Variants in CDH19 observed in about 807,000 individuals in gnomAD.
The protein encoded by CDH19 is cadherin-19.
Under a neutral mutation model 64.2 loss-of-function variants are expected in CDH19, and 67 were observed. The observed-to-expected ratio is 1.04, with a 90% confidence interval of 0.86 to 1.28. The LOEUF (loss-of-function observed/expected upper bound fraction) is 1.28, where lower values mean the gene tolerates loss of function less well. Among genes scored for constraint, CDH19 ranks in the 50% most tolerant of loss-of-function variants. The pLI is 0.00. For synonymous variants in CDH19, 346 were observed against 319.3 expected (o/e 1.08, Z -0.89); for missense variants, 1,030 against 929.0 (o/e 1.11, Z -1.41).
chr18:66,505,767 A>G (rs1366410350), intron 11 of CDH19, among the ~76,000 whole-genome samples: 1 of 151,608 alleles, frequency 6.6e-6, no homozygotes, highest in Non-Finnish European at 1.5e-5. Context: ...TCCCTATTGA[A>G]GCAAAATTCT....
Position 66,530,059 on chromosome 18 carries a change from T to C in CDH19, c.1337-93A>G, listed in dbSNP as rs116685711. 3,394 of 537,050 alleles carry C rather than the reference T, an allele frequency of 6.3e-3. 74 individuals carry two copies. The highest frequency in any genetic ancestry group is 0.057 in the African/African-American group (2,819 of 49,654). 33.3% of individuals were successfully genotyped at this position (537,050 alleles called of 1,614,324 possible). ...AAATTACATTAGAGGCTACGTGGTGTATTTTTATTTTACTTGAAAAAAGCA... is the reference window on the plus strand; with the variant it reads ...AAATTACATTAGAGGCTACGTGGTGCATTTTTATTTTACTTGAAAAAAGCA... On this transcript the variant is annotated intron_variant, in intron 8 of 11. Transcript: ENST00000262150.
intron 1 of CDH19, among the ~76,000 whole-genome samples, chr18:66,573,955 CTT>C (rs1988188702): frequency 6.6e-6 from 1 of 151,174 alleles, no homozygotes; most frequent in Non-Finnish European, 1.5e-5. Flanking sequence ...TGTATACACA[CTT>C]TTAAACATCA....
chr18:66,516,730 T>C (rs1281113112), intron 9 of CDH19, among the ~76,000 whole-genome samples: 1 of 152,052 alleles, frequency 6.6e-6, no homozygotes, highest in Non-Finnish European at 1.5e-5. Flanking sequence ...AGTTTGATTT[T>C]ACAGGAACAT....
intron 1 of CDH19, among the ~76,000 whole-genome samples, chr18:66,584,671 C>T (rs1176918766): frequency 2.0e-5 from 3 of 152,060 alleles, no homozygotes; most frequent in Non-Finnish European, 1.5e-5. Context: ...TAGTGACAGA[C>T]TGGATAAGAA....
At chr18:66,598,769 T>C (rs945711133) in intron 1 of CDH19, among the ~76,000 whole-genome samples, 7 of 151,992 alleles carry the variant, frequency 4.6e-5, no homozygotes, top group Non-Finnish European at 7.4e-5. Context: ...ATTTGTACAC[T>C]AAACCGCAGC....
chr18:66,595,512 GAAAAAA>G (rs55914622), intron 1 of CDH19, among the ~76,000 whole-genome samples: 2 of 84,116 alleles, frequency 2.4e-5, no homozygotes, highest in Non-Finnish European at 4.4e-5. Context: ...CGGCCCCACA[GAAAAAA>G]AAAAAAAAAA....
At chr18:66,539,780 C>CT (rs35362590) in intron 7 of CDH19, among the ~76,000 whole-genome samples, 6,265 of 151,770 alleles carry the variant, frequency 0.041, 423 homozygotes, top group African/African-American at 0.14. Context: ...TGGAACTGCT[C>CT]TTTTTTTATG....
intron 1 of CDH19, among the ~76,000 whole-genome samples, chr18:66,585,995 C>T (rs537493462): frequency 6.6e-6 from 1 of 152,192 alleles, no homozygotes; most frequent in Admixed American, 6.6e-5. Context: ...TGCACTTATG[C>T]AGTTTGAAAC....
At chr18:66,512,427 A>T (rs1985535366) in intron 9 of CDH19, among the ~76,000 whole-genome samples, 1 of 151,490 alleles carries the variant, frequency 6.6e-6, no homozygotes. Context: ...TGGAAATTAA[A>T]GTAAATTGAT....
At chr18:66,567,412 C>T (rs886337586) in intron 3 of CDH19, among the ~76,000 whole-genome samples, 2 of 151,144 alleles carry the variant, frequency 1.3e-5, no homozygotes, top group Non-Finnish European at 3.0e-5. Context: ...CTTTGCCTAC[C>T]TACCAAAATA....
At chr18:66,539,590 T>C (rs188120863) in intron 7 of CDH19, among the ~76,000 whole-genome samples, 85 of 152,240 alleles carry the variant, frequency 5.6e-4, no homozygotes, top group Middle Eastern at 6.8e-3. Context: ...TTTTAATATA[T>C]AGACACATCC....
rs1260748695 is a variant in CDH19, at chr18:66,511,522, G to C, written c.1576+46C>G. On this transcript the variant is annotated intron_variant, in intron 10 of 11. Coordinates refer to ENST00000262150, the MANE Select transcript of CDH19 (RefSeq NM_021153.4). The stretch of plus-strand genomic sequence containing the variant: ...CATAAATTCCATTAAAGTCTAACAT[G>C]AGTCACAAAAATGTATCAAAACTCA... The C allele has an allele frequency of 8.8e-6, 7 of 796,648 alleles. No homozygotes were observed. In the South Asian group the frequency reaches 1.0e-4, roughly 12 times the overall value. 49.3% of individuals were successfully genotyped at this position (796,648 alleles called of 1,614,324 possible).
At chr18:66,561,150 G>A (rs1052998624) in intron 3 of CDH19, among the ~76,000 whole-genome samples, 1 of 152,048 alleles carries the variant, frequency 6.6e-6, no homozygotes. Flanking sequence ...TTGTCTGACA[G>A]ACTGTTTCTC....
chr18:66,563,482 T>C (rs1987796769), intron 3 of CDH19, among the ~76,000 whole-genome samples: 2 of 152,040 alleles, frequency 1.3e-5, no homozygotes, highest in South Asian at 4.1e-4. Context: ...AACTTCAATG[T>C]TATACAGATC....
chr18:66,516,857 A>G (rs1985761107), intron 9 of CDH19, among the ~76,000 whole-genome samples: 1 of 152,120 alleles, frequency 6.6e-6, no homozygotes, highest in Admixed American at 6.5e-5. Flanking sequence ...ATGATGATAG[A>G]GAGAAATTGA....
At position 66,546,556 on chromosome 18, in the gene CDH19, A is replaced by C. The variant is rs2144497607; in HGVS notation, c.776-1653T>G. Among the ~76,000 whole-genome samples the C allele has an allele frequency of 1.3e-5, 2 of 152,240 alleles. 1 individual carries two copies. Among genetic ancestry groups the C allele is most frequent in the Non-Finnish European group, 2.9e-5 (2 of 67,998 alleles). On this transcript the variant is annotated intron_variant, in intron 5 of 11. Coordinates refer to ENST00000262150, the MANE Select transcript of CDH19 (RefSeq NM_021153.4). ...TTCAAAAATTATTTTATTGAACATA[A>C]TTTTTACAAGGTCCTGTCCTAGAGG...
chr18:66,593,309 A>G (rs1988794837), intron 1 of CDH19, among the ~76,000 whole-genome samples: 1 of 151,970 alleles, frequency 6.6e-6, no homozygotes, highest in Admixed American at 6.6e-5. Context: ...TTTATTTTCA[A>G]TCTCACATCT....
intron 5 of CDH19, among the ~76,000 whole-genome samples, chr18:66,550,435 G>A (rs767274984): frequency 1.3e-5 from 2 of 152,112 alleles, no homozygotes; most frequent in African/African-American, 4.8e-5. Context: ...TCCCCTGAAC[G>A]CATAAATATG....
At chr18:66,513,599 T>G (rs918393821) in intron 9 of CDH19, among the ~76,000 whole-genome samples, 1 of 151,428 alleles carries the variant, frequency 6.6e-6, no homozygotes, top group Admixed American at 6.6e-5. Context: ...TATTTTTCCT[T>G]TAAATATACC....
Sources: gnomAD v4.1 joint callset for allele counts (sites outside exome capture counted in the v4.1 genomes callset) on GRCh38, gnomAD v4.1.1 for gene constraint, MANE v1.5 for transcripts, NCBI Gene and HGNC (gene_info 2026-07-23, HGNC 2026-07-21) for gene names.